FBXO25: variants seen among roughly 807,000 people sequenced by gnomAD.
The protein encoded by FBXO25 is F-box protein 25.
A neutral mutation model predicts 51.9 loss-of-function variants in FBXO25; 45 were observed. That is an observed-to-expected ratio of 0.87 (90% confidence interval 0.68 to 1.11). The LOEUF (loss-of-function observed/expected upper bound fraction) is 1.11, where lower values mean the gene tolerates loss of function less well. Among genes scored for constraint, FBXO25 ranks in the 50% most tolerant of loss-of-function variants. The pLI, the probability that FBXO25 is intolerant of heterozygous loss-of-function variation, is 0.00. For synonymous variants in FBXO25, 199 were observed against 151.0 expected (o/e 1.32, Z -2.33); for missense variants, 507 against 428.5 (o/e 1.18, Z -1.62).
At chr8:424,277 G>A (rs916396735) in intron 2 of FBXO25, among the ~76,000 whole-genome samples, 17 of 151,966 alleles carry the variant, frequency 1.1e-4, no homozygotes, top group Admixed American at 9.8e-4. Flanking sequence ...TTTGTCAGAC[G>A]CATAGTTTGC....
intron 9 of FBXO25, chr8:467,810 C>G: frequency 6.2e-7 from 1 of 1,600,074 alleles, no homozygotes; most frequent in African/African-American, 1.3e-5. Flanking sequence ...TGCTGCATCT[C>G]ATGCACGTCA....
chr8:462,144 C>A (rs915213494), intron 8 of FBXO25, among the ~76,000 whole-genome samples: 21 of 152,194 alleles, frequency 1.4e-4, no homozygotes, highest in Admixed American at 1.3e-3. Context: ...TTCTCCACCC[C>A]TCCCCAGTGC....
intron 9 of FBXO25, among the ~76,000 whole-genome samples, chr8:466,314 C>CG (rs1276845643): frequency 2.6e-5 from 4 of 152,214 alleles, no homozygotes; most frequent in Non-Finnish European, 5.9e-5. Context: ...CTGGACCTGC[C>CG]TCCGGGGTCT....
chr8:422,184 C>G (rs1000331855), intron 2 of FBXO25, among the ~76,000 whole-genome samples: 1 of 152,174 alleles, frequency 6.6e-6, no homozygotes, highest in African/African-American at 2.4e-5. Flanking sequence ...ACAAAGGGAA[C>G]AGTACTTTAC....
chr8:467,185 C>G (rs1747842783), intron 9 of FBXO25, among the ~76,000 whole-genome samples: 1 of 152,138 alleles, frequency 6.6e-6, no homozygotes, highest in African/African-American at 2.4e-5. Context: ...GCTGCTGAGG[C>G]TTGGGTCTGT....
chr8:460,178 C>T (rs760542810), intron 8 of FBXO25, among the ~76,000 whole-genome samples: 2 of 152,088 alleles, frequency 1.3e-5, no homozygotes, highest in Non-Finnish European at 2.9e-5. Flanking sequence ...TCCCAAAAGG[C>T]GTTAATGAGA....
rs139144505 is a variant in FBXO25 at position 471,303 on chromosome 8, G to C, written c.*2499G>C. On this transcript the variant is annotated 3_prime_UTR_variant, in exon 10 of 10. Transcript: ENST00000350302. ...TTGAAAGGTTAATGGAGGGTATAAG[G>C]ACAGAATAAAGACAATTTTGAGGCA... is the stretch of plus-strand genomic sequence containing the variant. The C allele has an allele frequency of 2.6e-5, 4 of 152,300 alleles. No individual in the cohort carries two copies. In the East Asian group the frequency reaches 5.8e-4, roughly 22 times the overall value. 9.4% of individuals were successfully genotyped at this position (152,300 alleles called of 1,614,324 possible).
chr8:407,863 A>G (rs1796259540), intron 1 of FBXO25, among the ~76,000 whole-genome samples: 1 of 152,020 alleles, frequency 6.6e-6, no homozygotes, highest in Non-Finnish European at 1.5e-5. Flanking sequence ...AGTAAGCTCA[A>G]TTTGACCTTT....
Position 463,189 on chromosome 8 carries a change from A to C in FBXO25, c.987+39A>C, listed in dbSNP as rs759566946. 1.9e-6 allele frequency: 3 copies of C among 1,599,102 alleles called. No individual in the cohort carries two copies. The East Asian group carries it at 6.7e-5, about 36-fold the overall frequency. On this transcript the variant is annotated intron_variant, in intron 9 of 9. Transcript: ENST00000350302. ...TGCACTCTTGGAATTTCAGGATTAA[A>C]TTTTGGTGAAACAAACTAATCACCT... is the stretch of plus-strand genomic sequence containing the variant.
At chr8:427,231 C>A (rs149561154) in intron 2 of FBXO25, among the ~76,000 whole-genome samples, 17,784 of 146,912 alleles carry the variant, frequency 0.12, 463 homozygotes, top group Middle Eastern at 0.15. Context: ...CCAAAATGTC[C>A]TCCAGCTCCT....
In FBXO25 at chr8:468,908, G is replaced by A. The variant is rs1052805695; in HGVS notation, c.*104G>A. 1.2e-5 allele frequency: 13 copies of A among 1,071,894 alleles called. No homozygotes were observed. The highest frequency in any genetic ancestry group is 8.1e-5 in the African/African-American group (5 of 61,808). The allele number at this position is 1,071,894 out of a possible 1,614,324, so 66.4% of individuals were successfully genotyped here. Reference sequence around the variant, plus strand: ...GGGTGGAGACTCCTCGGAAGCCCCTGCTTCCAGAAAGCCTGGGAAGAACTG... The same window carrying A: ...GGGTGGAGACTCCTCGGAAGCCCCTACTTCCAGAAAGCCTGGGAAGAACTG... On this transcript the variant is annotated 3_prime_UTR_variant, in exon 10 of 10. Transcript: ENST00000350302.
At chr8:412,291 A>T (rs1405988497) in intron 1 of FBXO25, among the ~76,000 whole-genome samples, 1 of 152,156 alleles carries the variant, frequency 6.6e-6, no homozygotes, top group East Asian at 1.9e-4. Context: ...AACAAAATCT[A>T]GATAACTTCC....
chr8:467,925 G>T (rs765053140), intron 9 of FBXO25: 3 of 1,448,376 alleles, frequency 2.1e-6, no homozygotes, highest in Non-Finnish European at 2.7e-6. Flanking sequence ...CAGCAAGGAC[G>T]AGAGTGTTGA....
chr8:456,488 C>T (rs549749121), intron 7 of FBXO25, among the ~76,000 whole-genome samples: 31 of 152,334 alleles, frequency 2.0e-4, no homozygotes, highest in Admixed American at 9.8e-4. Context: ...TACTGAGAGC[C>T]TGCGGGGACC....
At chr8:454,408 G>T (rs990043898) in intron 7 of FBXO25, among the ~76,000 whole-genome samples, 1 of 152,214 alleles carries the variant, frequency 6.6e-6, no homozygotes, top group East Asian at 1.9e-4. Context: ...ATGCCCCCAT[G>T]TGCTCGCTGG....
chr8:453,729 C>A (rs974642351), intron 7 of FBXO25, among the ~76,000 whole-genome samples: 15 of 152,132 alleles, frequency 9.9e-5, no homozygotes, highest in African/African-American at 3.6e-4. Flanking sequence ...CCAAGCACAC[C>A]GCCTGAAGTT....
intron 9 of FBXO25, chr8:468,358 GGGACCAGA>G (rs1271327149): frequency 1.3e-6 from 1 of 793,210 alleles, no homozygotes; most frequent in Non-Finnish European, 1.5e-6. Flanking sequence ...AGGAATGGCT[GGGACCAGA>G]GGACAGAAAG....
intron 5 of FBXO25, among the ~76,000 whole-genome samples, chr8:445,376 G>A (rs1468436192): frequency 1.3e-5 from 2 of 152,194 alleles, no homozygotes; most frequent in South Asian, 2.1e-4. Flanking sequence ...CATATTCTCT[G>A]TTCTGGTATT....
At chr8:457,138 G>A (rs373896634) in intron 7 of FBXO25, among the ~76,000 whole-genome samples, 12 of 152,304 alleles carry the variant, frequency 7.9e-5, no homozygotes, top group African/African-American at 1.4e-4. Flanking sequence ...TCAGAAGCTC[G>A]CAGGTGAGCA....
Sources: gnomAD v4.1 joint callset for allele counts (sites outside exome capture counted in the v4.1 genomes callset) on GRCh38, gnomAD v4.1.1 for gene constraint, MANE v1.5 for transcripts, NCBI Gene and HGNC (gene_info 2026-07-23, HGNC 2026-07-21) for gene names.